RBFOX1: variants seen among roughly 807,000 people sequenced by gnomAD.
RBFOX1 encodes the protein RNA binding protein fox-1 homolog 1.
RBFOX1 carries 8 observed loss-of-function variants against 57.7 expected under a neutral mutation model. The observed-to-expected ratio is 0.14, with a 90% CI of 0.08 to 0.25. The LOEUF is 0.25. RBFOX1 is among the 10% of genes least tolerant of loss of function. The pLI is 1.00. For synonymous variants in RBFOX1, 326 were observed against 222.4 expected, an observed-to-expected ratio of 1.47 and a Z score of -4.15; for missense variants, 611 against 548.5, an observed-to-expected ratio of 1.11 and a Z score of -1.14.
At chr16:7,702,179 G>C (rs771706707) in intron 14 of RBFOX1, among the ~76,000 whole-genome samples, 3 of 152,220 alleles carry the variant, frequency 2.0e-5, no homozygotes, top group African/African-American at 2.4e-5. Flanking sequence ...TGAAAATGGA[G>C]ATTTTGGTTG....
chr16:5,358,928 C>G (rs1478608467), intron 1 of RBFOX1, among the ~76,000 whole-genome samples: 1 of 152,162 alleles, frequency 6.6e-6, no homozygotes, highest in Non-Finnish European at 1.5e-5. Context: ...TGTTTTGATA[C>G]CCATTATTCC....
Position 6,019,879 on chromosome 16 carries a change from C to T in RBFOX1, c.-240C>T, listed in dbSNP as rs529173850. The T allele has an allele frequency of 3.9e-6, 6 of 1,534,796 alleles. No homozygotes were observed. The South Asian group carries it at 4.8e-5, about 12-fold the overall frequency. On this transcript the variant is annotated 5_prime_UTR_variant, in exon 1 of 16. Transcript: ENST00000550418. This position sits in a 1 kb window ranked among gnomAD's most constrained non-coding sequence, Gnocchi z 4.2. ...GACAGTGCGTGAGAAACCAGCACCC[C>T]CTTCCGCCGCCTCCAGCTTATGGTG... is the stretch of plus-strand genomic sequence containing the variant.
chr16:7,688,260 T>TGTGTGTGTGTGTGTGA (rs1319185243), intron 14 of RBFOX1, among the ~76,000 whole-genome samples: 1 of 125,296 alleles, frequency 8.0e-6, no homozygotes, highest in African/African-American at 3.0e-5. Context: ...TGTGTGTGTG[T>TGTGTGTGTGTGTGTGA]GAGAGAGAGA....
rs917290938 is a variant in RBFOX1, at chr16:6,618,043, G to C, written c.-63-36560G>C. On this transcript the variant is annotated intron_variant, in intron 2 of 15. Transcript: ENST00000550418. ...CCTCCTCATATGCATGCAAGACTTT[G>C]CTCAAATGCAGCAATCCTTGTGTTT... 4.6e-5 allele frequency among the ~76,000 whole-genome samples: 7 copies of C among 152,210 alleles called. No individual in the cohort carries two copies. The South Asian group carries it at 1.5e-3, about 32-fold the overall frequency.
At chr16:5,369,592 A>C (rs2065808916) in intron 1 of RBFOX1, among the ~76,000 whole-genome samples, 1 of 152,154 alleles carries the variant, frequency 6.6e-6, no homozygotes, top group Admixed American at 6.5e-5. Flanking sequence ...CATGCCCCAC[A>C]CGCTCCTGAG....
Position 6,227,294 on chromosome 16 carries a change from C to G in RBFOX1, c.-126-89701C>G, listed in dbSNP as rs140563058. On this transcript the variant is annotated intron_variant, in intron 1 of 15. Transcript: ENST00000550418. ...TGATTCAGTGATTCTAAAACGGAGT[C>G]TAAGAATTTGAATTTTTTAAAAGTT... Among the ~76,000 whole-genome samples the G allele has an allele frequency of 9.2e-5, 14 of 152,238 alleles. No homozygotes were observed. The East Asian group carries it at 2.5e-3, about 27-fold the overall frequency.
At chr16:6,427,033 C>G (rs1210163549) in intron 2 of RBFOX1, among the ~76,000 whole-genome samples, 2 of 152,020 alleles carry the variant, frequency 1.3e-5, no homozygotes, top group Admixed American at 6.5e-5. Context: ...TCCTGTGTGT[C>G]TAGTTATTAT....
intron 3 of RBFOX1, among the ~76,000 whole-genome samples, chr16:6,935,180 C>G (rs1002890043): frequency 6.6e-6 from 1 of 152,094 alleles, no homozygotes; most frequent in Non-Finnish European, 1.5e-5. Context: ...TTCCCATCAT[C>G]GAAGTGAGAT....
At chr16:6,607,939 TG>T (rs2097967871) in intron 2 of RBFOX1, among the ~76,000 whole-genome samples, 1 of 152,198 alleles carries the variant, frequency 6.6e-6, no homozygotes, top group Admixed American at 6.5e-5. Context: ...TATACAAACT[TG>T]GAAACAGCTA....
intron 3 of RBFOX1, among the ~76,000 whole-genome samples, chr16:6,874,369 G>A (rs916590297): frequency 3.3e-5 from 5 of 151,960 alleles, no homozygotes; most frequent in African/African-American, 9.7e-5. Flanking sequence ...AATTAGCCAG[G>A]CATATTGGCA....
intron 2 of RBFOX1, among the ~76,000 whole-genome samples, chr16:5,544,286 A>G (rs953437427): frequency 4.3e-4 from 65 of 152,208 alleles, no homozygotes; most frequent in African/African-American, 1.5e-3. Context: ...ACTCTGGGAA[A>G]TTCTCAGGTT....
chr16:6,015,904 A>G (rs543394451), upstream of RBFOX1, among the ~76,000 whole-genome samples: 2 of 152,328 alleles, frequency 1.3e-5, no homozygotes, highest in South Asian at 4.1e-4. Flanking sequence ...GCAGAAATTG[A>G]GTCTAGTTTA....
intron 1 of RBFOX1, among the ~76,000 whole-genome samples, chr16:6,060,082 T>C (rs2095663459): frequency 6.9e-6 from 1 of 145,982 alleles, no homozygotes; most frequent in South Asian, 2.2e-4. Context: ...TTTAAAAAAA[T>C]AGGTAACTGG....
At chr16:7,429,852 G>A (rs1375828234) in intron 4 of RBFOX1, among the ~76,000 whole-genome samples, 3 of 152,254 alleles carry the variant, frequency 2.0e-5, no homozygotes, top group Admixed American at 2.0e-4. Flanking sequence ...TAATTATTGA[G>A]ATATACTATG....
intron 3 of RBFOX1, among the ~76,000 whole-genome samples, chr16:6,828,545 C>T (rs1020334505): frequency 1.4e-4 from 21 of 151,590 alleles, no homozygotes; most frequent in Admixed American, 9.2e-4. Context: ...AATCAGATAG[C>T]AGTTTCATAT....
intron 4 of RBFOX1, among the ~76,000 whole-genome samples, chr16:7,447,430 C>CAAAAAAAAAAAAAAAAA (rs202234230): frequency 1.0e-4 from 10 of 98,510 alleles, no homozygotes; most frequent in African/African-American, 3.8e-4. Flanking sequence ...GAGTCTATCT[C>CAAAAAAAAAAAAAAAAA]AAAAAAAAAA....
chr16:6,289,563 C>G (rs1193774223), intron 1 of RBFOX1, among the ~76,000 whole-genome samples: 1 of 152,104 alleles, frequency 6.6e-6, no homozygotes, highest in East Asian at 1.9e-4. Flanking sequence ...GAAGACTGTT[C>G]TCTTATGCCC....
In RBFOX1 at chr16:7,384,202, T is replaced by C. The variant is rs147104889; in HGVS notation, c.28-133945T>C. On this transcript the variant is annotated intron_variant, in intron 4 of 15. Transcript: ENST00000550418. The stretch of plus-strand genomic sequence containing the variant: ...ATATATGAAACATATATGAAATATA[T>C]ATGAAACATATATGAAATATATATA... Among the ~76,000 whole-genome samples the C allele has an allele frequency of 1.0e-3, 155 of 152,028 alleles. No individual in the cohort carries two copies. The East Asian group carries it at 0.027, about 26-fold the overall frequency.
chr16:6,847,821 C>G (rs1187998857), intron 3 of RBFOX1, among the ~76,000 whole-genome samples: 1 of 151,844 alleles, frequency 6.6e-6, no homozygotes, highest in East Asian at 1.9e-4. Flanking sequence ...AAAAATTATT[C>G]CCACCAAGAC....
Sources: gnomAD v4.1 joint callset for allele counts (sites outside exome capture counted in the v4.1 genomes callset) on GRCh38, gnomAD v4.1.1 for gene constraint, Gnocchi (gnomAD v3.1) non-coding constraint, MANE v1.5 for transcripts, NCBI Gene and HGNC (gene_info 2026-07-23, HGNC 2026-07-21) for gene names.